The following C5orf63 variants were observed in gnomAD, a reference collection of about 807,000 sequenced individuals.
C5orf63 encodes glutaredoxin-like protein C5orf63.
C5orf63 carries 18 observed loss-of-function variants against 13.3 expected under a neutral mutation model. The observed-to-expected ratio is 1.36, with a 90% CI of 0.94 to 2.01. C5orf63 has a LOEUF of 2.01. C5orf63 is among the 30% of genes most tolerant of loss of function. C5orf63 has a pLI of 0.00. For synonymous variants in C5orf63, 38 were observed against 44.7 expected (o/e 0.85, Z 0.60); for missense variants, 118 against 127.7 (o/e 0.92, Z 0.36).
intron 2 of C5orf63, among the ~76,000 whole-genome samples, chr5:127,065,345 G>C (rs1274362475): frequency 6.6e-6 from 1 of 152,074 alleles, no homozygotes; most frequent in Non-Finnish European, 1.5e-5. Context: ...ACTGTAACAG[G>C]GCCATATAAT....
At chr5:127,049,619 A>G (rs73339244), downstream of C5orf63, among the ~76,000 whole-genome samples, 2,004 of 152,306 alleles carry the variant, frequency 0.013, 44 homozygotes, top group African/African-American at 0.043. Context: ...TGATTTATTC[A>G]TTTCTGTACT....
chr5:127,052,535 G>T, intron 4 of C5orf63, 78 bp downstream of exon 4: 1 of 1,007,106 alleles, frequency 9.9e-7, no homozygotes, highest in South Asian at 2.9e-5. Flanking sequence ...TTTTCCTAAA[G>T]GAAGGATCCA....
At chr5:127,066,671 TACTC>T (rs1754344568) in intron 2 of C5orf63, among the ~76,000 whole-genome samples, 1 of 151,902 alleles carries the variant, frequency 6.6e-6, no homozygotes, top group African/African-American at 2.4e-5. Context: ...ACAGGTTTGA[TACTC>T]AGGAAAAAAA....
chr5:127,049,156 G>A (rs1753596342), downstream of C5orf63, among the ~76,000 whole-genome samples: 1 of 152,148 alleles, frequency 6.6e-6, no homozygotes, highest in South Asian at 2.1e-4. Context: ...ACACCCCTGA[G>A]TAGTCAGGAG....
chr5:127,054,214 T>C (rs1753791311), intron 3 of C5orf63, among the ~76,000 whole-genome samples: 1 of 152,194 alleles, frequency 6.6e-6, no homozygotes, highest in Non-Finnish European at 1.5e-5. Context: ...ATGCAAATTA[T>C]ACCTGAAAAT....
chr5:127,043,303 T>TTG (rs1753445503), downstream of C5orf63: 5 of 152,242 alleles, frequency 3.3e-5, no homozygotes, highest in Non-Finnish European at 1.5e-5. Flanking sequence ...ACATGCTGGC[T>TTG]TGTCCTGCCA....
intron 4 of C5orf63, chr5:127,052,292 G>A (rs567613198): frequency 6.1e-6 from 2 of 326,634 alleles, no homozygotes; most frequent in Non-Finnish European, 5.5e-6. Flanking sequence ...GGTGTGTTAC[G>A]TGAAAACACA....
At chr5:127,057,932 CAT>C (rs1363032221) in intron 3 of C5orf63, among the ~76,000 whole-genome samples, 1 of 152,166 alleles carries the variant, frequency 6.6e-6, no homozygotes, top group Non-Finnish European at 1.5e-5. Context: ...GGAGAAAATA[CAT>C]GTGTTCGATA....
intron 2 of C5orf63, among the ~76,000 whole-genome samples, chr5:127,069,305 G>A (rs567613644): frequency 1.4e-4 from 21 of 152,218 alleles, no homozygotes; most frequent in Admixed American, 6.5e-4. Flanking sequence ...TCCCTTTGAC[G>A]ATATCTCTTA....
At chr5:127,064,156 G>A (rs189252447) in intron 2 of C5orf63, among the ~76,000 whole-genome samples, 2 of 152,292 alleles carry the variant, frequency 1.3e-5, no homozygotes, top group African/African-American at 4.8e-5. Flanking sequence ...AATGACTCTC[G>A]TGGAGCCAAG....
downstream of C5orf63, among the ~76,000 whole-genome samples, chr5:127,048,929 C>A (rs1260760972): frequency 6.6e-6 from 1 of 152,166 alleles, no homozygotes; most frequent in Non-Finnish European, 1.5e-5. Flanking sequence ...GAAGAATCAG[C>A]AACCTGGGTC....
At chr5:127,064,993 T>A (rs1754266200) in intron 2 of C5orf63, among the ~76,000 whole-genome samples, 1 of 152,208 alleles carries the variant, frequency 6.6e-6, no homozygotes, top group Non-Finnish European at 1.5e-5. Context: ...CATTAATTTT[T>A]TTTTTGTATC....
At chr5:127,043,924 GT>G (rs1293099955), downstream of C5orf63, 4 of 152,132 alleles carry the variant, frequency 2.6e-5, no homozygotes, top group African/African-American at 9.7e-5. Flanking sequence ...TTCCCTCTCT[GT>G]TGCCTTAGTG....
chr5:127,052,315 G>A (rs1323535617), intron 4 of C5orf63: 4 of 335,796 alleles, frequency 1.2e-5, no homozygotes, highest in African/African-American at 8.5e-5. Flanking sequence ...AGTGCAAACT[G>A]CAAAACAAGA....
At chr5:127,056,064 C>T (rs975006804) in intron 3 of C5orf63, among the ~76,000 whole-genome samples, 3 of 152,136 alleles carry the variant, frequency 2.0e-5, no homozygotes, top group African/African-American at 7.2e-5. Flanking sequence ...GGCTGTCCAC[C>T]ACCCACTTCC....
At chr5:127,066,013 A>G (rs1458122513) in intron 2 of C5orf63, among the ~76,000 whole-genome samples, 3 of 152,170 alleles carry the variant, frequency 2.0e-5, no homozygotes, top group Non-Finnish European at 4.4e-5. Flanking sequence ...GAGTGATGTG[A>G]TGCTGACTGA....
At chr5:127,049,579 A>G (rs2126879437), downstream of C5orf63, among the ~76,000 whole-genome samples, 1 of 152,330 alleles carries the variant, frequency 6.6e-6, no homozygotes, top group East Asian at 1.9e-4. Flanking sequence ...GCTCCTTAAT[A>G]GATAGTGAGT....
intron 4 of C5orf63, 105 bp from the exon 5 acceptor site, chr5:127,052,052 T>C (rs549242579): frequency 3.2e-5 from 31 of 970,124 alleles, no homozygotes; most frequent in Admixed American, 1.1e-4. Context: ...ATTTTCCTTA[T>C]AGTTGTTTGT....
chr5:127,047,227 T>C (rs1753538815), downstream of C5orf63: 1 of 153,898 alleles, frequency 6.5e-6, no homozygotes, highest in Non-Finnish European at 1.4e-5. Flanking sequence ...GAAGCTTGTA[T>C]CACCTTTTCC....
Sources: gnomAD v4.1 joint callset for allele counts (sites outside exome capture counted in the v4.1 genomes callset) on GRCh38, gnomAD v4.1.1 for gene constraint, MANE v1.5 for transcripts, NCBI Gene and HGNC (gene_info 2026-07-23, HGNC 2026-07-21) for gene names.